CYSTM1: variants seen among roughly 807,000 people sequenced by gnomAD.
The protein encoded by CYSTM1 is cysteine rich transmembrane module containing 1.
CYSTM1 carries 4 observed loss-of-function variants against 13.1 expected under a neutral mutation model. The observed-to-expected ratio is 0.31, with a 90% CI of 0.15 to 0.70. The LOEUF (loss-of-function observed/expected upper bound fraction) is 0.70, where lower values mean the gene tolerates loss of function less well. Among genes scored for constraint, CYSTM1 ranks in the 30% least tolerant of loss-of-function variants. The pLI, the probability that CYSTM1 is intolerant of heterozygous loss-of-function variation, is 0.72. For missense variants in CYSTM1, 96 were observed against 121.6 expected (o/e 0.79, Z 0.99); for synonymous variants, 36 against 42.7 (o/e 0.84, Z 0.62).
chr5:140,231,168 CATATTT>C (rs1366484865), intron 2 of CYSTM1, among the ~76,000 whole-genome samples: 1 of 152,134 alleles, frequency 6.6e-6, no homozygotes, highest in Non-Finnish European at 1.5e-5. Flanking sequence ...ATAGTTCTCA[CATATTT>C]TTATTGGTTT....
chr5:140,215,467 G>A (rs1422224624), intron 2 of CYSTM1, among the ~76,000 whole-genome samples: 1 of 149,408 alleles, frequency 6.7e-6, no homozygotes, highest in Non-Finnish European at 1.5e-5. Flanking sequence ...CTGATAATAG[G>A]CTGCAGTTCC....
intron 2 of CYSTM1, among the ~76,000 whole-genome samples, chr5:140,211,990 G>A (rs1311259703): frequency 6.6e-6 from 1 of 152,108 alleles, no homozygotes; most frequent in Non-Finnish European, 1.5e-5. Flanking sequence ...TTCAGTGCCA[G>A]TCACTAAATA....
At chr5:140,235,990 CA>C (rs1399896042) in intron 2 of CYSTM1, among the ~76,000 whole-genome samples, 4 of 152,158 alleles carry the variant, frequency 2.6e-5, no homozygotes, top group Non-Finnish European at 4.4e-5. Context: ...TACTCTAAGC[CA>C]AATACAAAAC....
rs73254782 is a variant in CYSTM1, at chr5:140,229,138, A to G, written c.188-14167A>G. ...TTACTGATTTGTAGAGAATTTCTAT[A>G]TATTCTATCCACTAATATTTGTCTG... On this transcript the variant is annotated intron_variant, in intron 2 of 2. Coordinates refer to ENST00000261811, the MANE Select transcript of CYSTM1 (RefSeq NM_032412.4). Among the ~76,000 whole-genome samples, 1,333 of 152,188 alleles carry G rather than the reference A, an allele frequency of 8.8e-3. 17 individuals are homozygous for G. Among genetic ancestry groups the G allele is most frequent in the African/African-American group, 0.03 (1,258 of 41,510 alleles).
At chr5:140,208,219 T>TA (rs1185039550) in intron 2 of CYSTM1, among the ~76,000 whole-genome samples, 4 of 152,182 alleles carry the variant, frequency 2.6e-5, no homozygotes, top group South Asian at 2.1e-4. Flanking sequence ...GACTGGATTT[T>TA]AAAAAAATGT....
chr5:140,227,465 A>G lies in CYSTM1; in HGVS notation c.188-15840A>G, dbSNP rs551774348. 3.3e-5 allele frequency among the ~76,000 whole-genome samples: 5 copies of G among 152,332 alleles called. No homozygotes were observed. In the South Asian group the frequency reaches 6.2e-4, roughly 19 times the overall value. On this transcript the variant is annotated intron_variant, in intron 2 of 2. Transcript: ENST00000261811. ...CCAGCAGAAGTCCTGGTGCTAGCCT[A>G]GAACTCAGAGGCTGCAGGGCCTGAG...
rs563712624 is a variant in CYSTM1 at position 140,239,659 on chromosome 5, A to T, written c.188-3646A>T. On this transcript the variant is annotated intron_variant, in intron 2 of 2. Coordinates refer to ENST00000261811, the MANE Select transcript of CYSTM1 (RefSeq NM_032412.4). This position sits in a 1 kb window ranked among gnomAD's most constrained non-coding sequence, Gnocchi z 5.4. ...GACCTAGCCTGGGCTCCTGGGCCAC[A>T]TCTGTGTGCTCACGCACCTCTCCCT... Among the ~76,000 whole-genome samples the T allele has an allele frequency of 6.6e-6, 1 of 152,342 alleles. No homozygotes were observed. Among genetic ancestry groups the T allele is most frequent in the South Asian group, 2.1e-4 (1 of 4,830 alleles).
At chr5:140,228,040 TTAG>T (rs1386565772) in intron 2 of CYSTM1, among the ~76,000 whole-genome samples, 1 of 152,202 alleles carries the variant, frequency 6.6e-6, no homozygotes, top group East Asian at 1.9e-4. Flanking sequence ...CCTGGTTCTT[TTAG>T]TAGTAGTCTA....
chr5:140,236,185 T>G (rs1764677856), intron 2 of CYSTM1, among the ~76,000 whole-genome samples: 1 of 152,252 alleles, frequency 6.6e-6, no homozygotes, highest in Admixed American at 6.5e-5. Context: ...AGTGAATTAT[T>G]TAAGTCTGAC....
rs10679899 is a variant in CYSTM1, at chr5:140,177,078, A to AAAAAAAAAAAAAAC, written c.-21+1802_-21+1803insAAAACAAAAAAAAA. On this transcript the variant is annotated intron_variant, in intron 1 of 2. Transcript: ENST00000261811. ...AGCGAGACTCTGTCTCAAAAAAAAA[A>AAAAAAAAAAAAAAC]AAAAAAAAATCTCTAGTCCTTTCCT... Among the ~76,000 whole-genome samples the AAAAAAAAAAAAAAC allele has an allele frequency of 7.0e-3, 953 of 135,448 alleles. 33 individuals are homozygous for AAAAAAAAAAAAAAC. The highest frequency in any genetic ancestry group is 0.017 in the South Asian group (72 of 4,126). The allele number at this position is 135,448 out of a possible 152,430, so 88.9% of individuals were successfully genotyped here.
At chr5:140,190,793 T>G (rs1764086000) in intron 1 of CYSTM1, among the ~76,000 whole-genome samples, 1 of 152,210 alleles carries the variant, frequency 6.6e-6, no homozygotes, top group African/African-American at 2.4e-5. Context: ...TAATGGATCT[T>G]GACTGCAGCA....
chr5:140,224,796 C>T (rs1764529841), intron 2 of CYSTM1, among the ~76,000 whole-genome samples: 1 of 152,212 alleles, frequency 6.6e-6, no homozygotes, highest in African/African-American at 2.4e-5. Flanking sequence ...ACTGGGATTA[C>T]AGGTGTGAGC....
rs1225867588 is a variant in CYSTM1 at position 140,175,231 on chromosome 5, C to G, written c.-75C>G. On this transcript the variant is annotated 5_prime_UTR_variant, in exon 1 of 3. Coordinates refer to ENST00000261811, the MANE Select transcript of CYSTM1 (RefSeq NM_032412.4). This position sits in a 1 kb window ranked among gnomAD's most constrained non-coding sequence, Gnocchi z 4.9. ...GCGGCAAGTCTACTGCGGGCTGGTC[C>G]GGGCTCCTCAGGTTCAGACCCGACC... 2 of 152,312 alleles carry G rather than the reference C, an allele frequency of 1.3e-5. No homozygotes were observed. Among genetic ancestry groups the G allele is most frequent in the Non-Finnish European group, 2.9e-5 (2 of 68,114 alleles). 9.4% of individuals were successfully genotyped at this position (152,312 alleles called of 1,614,324 possible). A position where few individuals can be genotyped will look rare whatever the true frequency, so the allele number is the denominator to read the frequency against.
rs143631530 is a variant in CYSTM1, at chr5:140,180,639, T to C, written c.-21+5354T>C. On this transcript the variant is annotated intron_variant, in intron 1 of 2. Transcript: ENST00000261811. ...TGATTCCTTTATAGCTTTTAGGAGA[T>C]GTATGTGGAATATTATTATTGATTT... is the stretch of plus-strand genomic sequence containing the variant. 1.1e-3 allele frequency among the ~76,000 whole-genome samples: 175 copies of C among 152,184 alleles called. 1 individual carries two copies. Among genetic ancestry groups the C allele is most frequent in the African/African-American group, 4.0e-3 (165 of 41,526 alleles).
intron 1 of CYSTM1, among the ~76,000 whole-genome samples, chr5:140,193,531 C>T (rs570693087): frequency 6.6e-6 from 1 of 152,228 alleles, no homozygotes; most frequent in African/African-American, 2.4e-5. Flanking sequence ...CCCGCCTCGG[C>T]CTCCCAAAGT....
intron 1 of CYSTM1, among the ~76,000 whole-genome samples, chr5:140,190,724 C>T (rs958503244): frequency 6.6e-6 from 1 of 152,180 alleles, no homozygotes; most frequent in African/African-American, 2.4e-5. Flanking sequence ...CTGCTAATCC[C>T]GTGACTCTGA....
chr5:140,232,906 CAAG>C (rs988349567), intron 2 of CYSTM1, among the ~76,000 whole-genome samples: 1 of 152,182 alleles, frequency 6.6e-6, no homozygotes, highest in Non-Finnish European at 1.5e-5. Flanking sequence ...CATTGTTCCT[CAAG>C]AAGACTATGT....
intron 2 of CYSTM1, among the ~76,000 whole-genome samples, chr5:140,224,574 G>A (rs1764527387): frequency 6.6e-6 from 1 of 152,096 alleles, no homozygotes. Context: ...GGGCTGGAAT[G>A]TGGTGGTGTG....
chr5:140,205,710 G>A (rs1024814441), intron 2 of CYSTM1, among the ~76,000 whole-genome samples: 3 of 152,176 alleles, frequency 2.0e-5, no homozygotes, highest in Non-Finnish European at 2.9e-5. Flanking sequence ...GAGCAGTGAG[G>A]AAGTTAGTAC....
Sources: gnomAD v4.1 joint callset for allele counts (sites outside exome capture counted in the v4.1 genomes callset) on GRCh38, gnomAD v4.1.1 for gene constraint, Gnocchi (gnomAD v3.1) non-coding constraint, MANE v1.5 for transcripts, NCBI Gene and HGNC (gene_info 2026-07-23, HGNC 2026-07-21) for gene names.